Variants in BABAM2 observed in about 807,000 individuals in gnomAD.
BABAM2 encodes BRISC and BRCA1-A complex member 2.
In BABAM2, 31 loss-of-function variants were observed where a neutral mutation model predicts 54.7. That is an observed-to-expected ratio of 0.57 (90% CI 0.43 to 0.77). The LOEUF (loss-of-function observed/expected upper bound fraction) is 0.77. BABAM2 is among the 30% of genes least tolerant of loss of function. The pLI, the probability that BABAM2 is intolerant of heterozygous loss-of-function variation, is 0.00. For synonymous variants in BABAM2, 167 were observed against 162.9 expected, an observed-to-expected ratio of 1.03 and a Z score of -0.19; for missense variants, 364 against 455.8, an observed-to-expected ratio of 0.80 and a Z score of 1.83.
chr2:28,290,584 T>C (rs1028850678), intron 10 of BABAM2, among the ~76,000 whole-genome samples: 15 of 152,230 alleles, frequency 9.9e-5, no homozygotes, highest in Non-Finnish European at 1.6e-4. Flanking sequence ...TGTCATGCGC[T>C]GTACTAAGTG....
Position 28,130,963 on chromosome 2 carries a change from A to G in BABAM2, c.680+1583A>G, listed in dbSNP as rs572755306. Among the ~76,000 whole-genome samples, 132 of 151,172 alleles carry G rather than the reference A, an allele frequency of 8.7e-4. 1 individual carries two copies. Among genetic ancestry groups the G allele is most frequent in the Admixed American group, 3.4e-3 (52 of 15,172 alleles). ...ACCATGTTGGCCAAGCTGGTCTCGA[A>G]CTCCTGACCTCAGGTGATCTGCCCG... is the stretch of plus-strand genomic sequence containing the variant. On this transcript the variant is annotated intron_variant, in intron 7 of 11. Coordinates refer to ENST00000379624, the MANE Select transcript of BABAM2 (RefSeq NM_199191.3).
At chr2:28,063,710 G>T (rs1437797796) in intron 6 of BABAM2, among the ~76,000 whole-genome samples, 3 of 152,152 alleles carry the variant, frequency 2.0e-5, no homozygotes, top group Non-Finnish European at 4.4e-5. Flanking sequence ...AACTATTTTG[G>T]CTCCAGCTCC....
chr2:28,128,710 A>T (rs1669781572), intron 6 of BABAM2, among the ~76,000 whole-genome samples: 1 of 152,214 alleles, frequency 6.6e-6, no homozygotes, highest in African/African-American at 2.4e-5. Flanking sequence ...TAGACTTTTA[A>T]GATATGTATG....
intron 3 of BABAM2, among the ~76,000 whole-genome samples, chr2:27,948,586 C>T (rs1193968104): frequency 6.6e-6 from 1 of 152,152 alleles, no homozygotes; most frequent in Non-Finnish European, 1.5e-5. Context: ...GCCTGGCCAA[C>T]ATGGCAAAAC....
At chr2:27,911,376 C>G (rs1415418497) in intron 2 of BABAM2, among the ~76,000 whole-genome samples, 1 of 151,820 alleles carries the variant, frequency 6.6e-6, no homozygotes. Flanking sequence ...TTTTAAAATT[C>G]TTTCAGTTCC....
chr2:28,027,637 C>G (rs1675970242), intron 5 of BABAM2, among the ~76,000 whole-genome samples: 1 of 152,174 alleles, frequency 6.6e-6, no homozygotes, highest in Admixed American at 6.5e-5. Context: ...TGTATCAGTA[C>G]TTCATTTCTT....
chr2:28,176,641 T>C (rs1447025911), intron 7 of BABAM2, among the ~76,000 whole-genome samples: 3 of 114,460 alleles, frequency 2.6e-5, no homozygotes, highest in Non-Finnish European at 3.7e-5. Context: ...TACAAAGAAA[T>C]TGGAAAAACA....
chr2:28,291,306 A>G (rs1687262337), intron 10 of BABAM2, among the ~76,000 whole-genome samples: 1 of 152,206 alleles, frequency 6.6e-6, no homozygotes, highest in Non-Finnish European at 1.5e-5. Context: ...GAAACTTCAA[A>G]GATAAGCCGG....
intron 4 of BABAM2, among the ~76,000 whole-genome samples, chr2:27,996,763 C>T (rs1214081377): frequency 6.6e-6 from 1 of 152,086 alleles, no homozygotes; most frequent in African/African-American, 2.4e-5. Context: ...TTGCAAATGT[C>T]CCCAGGGTAG....
At chr2:27,965,218 C>A (rs1670752337) in intron 3 of BABAM2, among the ~76,000 whole-genome samples, 1 of 152,046 alleles carries the variant, frequency 6.6e-6, no homozygotes, top group Non-Finnish European at 1.5e-5. Flanking sequence ...TTTTTTCCAA[C>A]TCTGTAAGTA....
intron 6 of BABAM2, among the ~76,000 whole-genome samples, chr2:28,110,936 G>T (rs1208289134): frequency 6.7e-6 from 1 of 148,622 alleles, no homozygotes; most frequent in Non-Finnish European, 1.5e-5. Context: ...TTTGATTTAT[G>T]TTGAACATCT....
At chr2:28,099,319 C>T (rs561456965) in intron 6 of BABAM2, among the ~76,000 whole-genome samples, 2 of 152,152 alleles carry the variant, frequency 1.3e-5, no homozygotes, top group Non-Finnish European at 2.9e-5. Context: ...GAAGGCCAAA[C>T]TCTGTCCACC....
At chr2:28,125,300 A>T (rs778234561) in intron 6 of BABAM2, among the ~76,000 whole-genome samples, 22 of 151,210 alleles carry the variant, frequency 1.5e-4, no homozygotes, top group South Asian at 8.4e-4. Context: ...TTTTATTATT[A>T]TTATTTTTTT....
At chr2:28,250,165 G>A (rs767436122) in intron 10 of BABAM2, among the ~76,000 whole-genome samples, 21 of 151,966 alleles carry the variant, frequency 1.4e-4, no homozygotes, top group Non-Finnish European at 2.5e-4. Context: ...TGACATTTCC[G>A]CTGAGACCTT....
chr2:28,050,916 G>T (rs540800840), intron 6 of BABAM2, among the ~76,000 whole-genome samples: 4 of 152,114 alleles, frequency 2.6e-5, no homozygotes, highest in Non-Finnish European at 5.9e-5. Context: ...AGTAATCTAG[G>T]TTGCAAGAGA....
At chr2:27,938,234 C>T (rs1004097779) in intron 3 of BABAM2, among the ~76,000 whole-genome samples, 5 of 152,164 alleles carry the variant, frequency 3.3e-5, no homozygotes, top group Non-Finnish European at 7.3e-5. Context: ...AATTCAGCCT[C>T]CTACAATCAA....
chr2:28,040,219 A>T (rs72854461), intron 5 of BABAM2, among the ~76,000 whole-genome samples: 370 of 151,536 alleles, frequency 2.4e-3, no homozygotes, highest in African/African-American at 8.6e-3. Flanking sequence ...TAAAATTATC[A>T]TGTACTCAGT....
intron 3 of BABAM2, among the ~76,000 whole-genome samples, chr2:27,942,958 C>A (rs990334106): frequency 1.3e-5 from 2 of 151,946 alleles, no homozygotes; most frequent in Non-Finnish European, 2.9e-5. Flanking sequence ...TGTGCATCAC[C>A]ATTTTTTTGT....
chr2:28,309,859 A>G (rs1688915327), intron 11 of BABAM2: 1 of 525,938 alleles, frequency 1.9e-6, no homozygotes, highest in Non-Finnish European at 3.4e-6. Flanking sequence ...AGAAGACAAT[A>G]AAGTCAGTGC....
Sources: allele counts gnomAD v4.1 joint callset (sites outside exome capture counted in the v4.1 genomes callset), GRCh38; gene constraint gnomAD v4.1.1; transcripts MANE v1.5; gene names NCBI Gene and HGNC (gene_info 2026-07-23, HGNC 2026-07-21).